The following CLASP2 variants were observed in gnomAD, a reference collection of about 807,000 sequenced individuals.
CLASP2 encodes cytoplasmic linker associated protein 2, also known as CLIP-associating protein 2.
In CLASP2, 47 loss-of-function variants were observed where a neutral mutation model predicts 194.4. The observed-to-expected ratio is 0.24, with a 90% CI of 0.19 to 0.31. The LOEUF (loss-of-function observed/expected upper bound fraction) is 0.31, where lower values mean the gene tolerates loss of function less well. Among genes scored for constraint, CLASP2 ranks in the 10% least tolerant of loss-of-function variants. The pLI, the probability that CLASP2 is intolerant of heterozygous loss-of-function variation, is 1.00. For missense variants in CLASP2, 1,445 were observed against 1,823.6 expected (o/e 0.79, Z 3.78); for synonymous variants, 619 against 633.5 (o/e 0.98, Z 0.34).
chr3:33,698,121 C>T (rs1262395140), intron 1 of CLASP2, among the ~76,000 whole-genome samples: 1 of 152,104 alleles, frequency 6.6e-6, no homozygotes, highest in African/African-American at 2.4e-5. Flanking sequence ...GGAAGGAAAC[C>T]GCTGCCTGTG....
At chr3:33,643,802 G>A (rs1225795412) in intron 8 of CLASP2, among the ~76,000 whole-genome samples, 1 of 151,694 alleles carries the variant, frequency 6.6e-6, no homozygotes, top group Non-Finnish European at 1.5e-5. Flanking sequence ...TATGGAACCT[G>A]GTCAAAATAT....
chr3:33,533,883 A>T (rs992216704), intron 34 of CLASP2, among the ~76,000 whole-genome samples: 2 of 151,960 alleles, frequency 1.3e-5, no homozygotes, highest in Non-Finnish European at 2.9e-5. Flanking sequence ...CGCCCAGCTA[A>T]TTTTCATATT....
chr3:33,602,628 A>G, intron 18 of CLASP2: 1 of 737,040 alleles, frequency 1.4e-6, no homozygotes, highest in Non-Finnish European at 2.5e-6. Flanking sequence ...GAAAACAGGA[A>G]AGTTAGATAC....
chr3:33,681,466 C>T (rs1334112703), intron 6 of CLASP2, among the ~76,000 whole-genome samples: 2 of 142,364 alleles, frequency 1.4e-5, no homozygotes, highest in Non-Finnish European at 3.1e-5. Flanking sequence ...CCTGACATCC[C>T]CCCACCAAAT....
intron 13 of CLASP2, among the ~76,000 whole-genome samples, chr3:33,610,486 A>C (rs1459791503): frequency 3.3e-5 from 5 of 152,184 alleles, no homozygotes; most frequent in Admixed American, 3.3e-4. Context: ...CCTACAGTTA[A>C]TGGATTGCTC....
At chr3:33,640,550 G>A (rs954214929) in intron 8 of CLASP2, among the ~76,000 whole-genome samples, 5 of 152,146 alleles carry the variant, frequency 3.3e-5, no homozygotes, top group African/African-American at 4.8e-5. Context: ...GAGTGAGTGA[G>A]TGAGTGAGTA....
At chr3:33,687,929 A>T (rs1348651489) in intron 4 of CLASP2, among the ~76,000 whole-genome samples, 1 of 152,208 alleles carries the variant, frequency 6.6e-6, no homozygotes, top group Non-Finnish European at 1.5e-5. Flanking sequence ...ATGGGAAATG[A>T]CTATAATATG....
chr3:33,657,692 T>C (rs1401633975), intron 7 of CLASP2, among the ~76,000 whole-genome samples: 1 of 152,108 alleles, frequency 6.6e-6, no homozygotes. Context: ...TGAAAAATTA[T>C]TTTCTCATTT....
intron 21 of CLASP2, among the ~76,000 whole-genome samples, chr3:33,585,339 C>G (rs1444708494): frequency 6.6e-6 from 1 of 152,086 alleles, no homozygotes; most frequent in Non-Finnish European, 1.5e-5. Flanking sequence ...TTCTGAGAAA[C>G]GTGTTGTTGG....
intron 8 of CLASP2, among the ~76,000 whole-genome samples, chr3:33,637,692 C>T (rs774009131): frequency 2.8e-4 from 42 of 152,114 alleles, no homozygotes; most frequent in Non-Finnish European, 5.1e-4. Flanking sequence ...GTTGGCCAGA[C>T]AGATAGGTGG....
intron 22 of CLASP2, among the ~76,000 whole-genome samples, chr3:33,584,492 C>T (rs2066903500): frequency 6.6e-6 from 1 of 151,616 alleles, no homozygotes; most frequent in African/African-American, 2.4e-5. Context: ...TCTCAAACTC[C>T]TGACCTCAAG....
intron 10 of CLASP2, among the ~76,000 whole-genome samples, chr3:33,626,224 A>G (rs909426507): frequency 7.2e-5 from 11 of 152,086 alleles, no homozygotes; most frequent in African/African-American, 2.7e-4. Context: ...AAGGCCCTGC[A>G]TTTGATTTAA....
chr3:33,583,817 A>C (rs956153508), intron 22 of CLASP2, among the ~76,000 whole-genome samples: 1 of 152,232 alleles, frequency 6.6e-6, no homozygotes, highest in African/African-American at 2.4e-5. Context: ...TGGAATAATT[A>C]GGGGCTTTCT....
intron 29 of CLASP2, among the ~76,000 whole-genome samples, chr3:33,554,175 C>A (rs1327733061): frequency 6.8e-6 from 1 of 147,762 alleles, no homozygotes; most frequent in Non-Finnish European, 1.5e-5. Context: ...TCCAGTGAAC[C>A]GAGGTCACAC....
intron 1 of CLASP2, among the ~76,000 whole-genome samples, chr3:33,715,326 T>C (rs1384827816): frequency 1.3e-5 from 2 of 152,246 alleles, no homozygotes; most frequent in African/African-American, 4.8e-5. Flanking sequence ...ACCTTCTCAA[T>C]GAGGTCTTTA....
chr3:33,551,337 T>A lies in CLASP2; in HGVS notation c.3068A>T (p.Asp1023Val). 6.2e-7 allele frequency: 1 copy of A among 1,613,758 alleles called. No homozygotes were observed. Among genetic ancestry groups the A allele is most frequent in the Non-Finnish European group, 8.5e-7 (1 of 1,179,784 alleles). The change falls in exon 30 of 39, where the codon GAT becomes GTT. Residue 1023 changes from aspartate to valine, a missense_variant. Around this residue, in one of 4 missense-constraint regions of CLASP2, gnomAD observed 732 missense variants for 987.9 expected, o/e 0.74. Coordinates refer to ENST00000682230, the MANE Select transcript of CLASP2 (RefSeq NM_001365631.1). ...GCGAGTTTCACTGGAATTTATAAAA[T>A]CTCCTGGATCCATCTGTTTGGCCAG... is the stretch of plus-strand genomic sequence containing the variant. ...ETLAKQMDPG[D>V]FINSSETRLA...
At chr3:33,548,774 T>C (rs923650137) in intron 30 of CLASP2, among the ~76,000 whole-genome samples, 4 of 144,716 alleles carry the variant, frequency 2.8e-5, no homozygotes, top group African/African-American at 7.7e-5. Flanking sequence ...TTTTTTTTTT[T>C]TTTTTTTTTT....
rs540436820 is a variant in CLASP2 at position 33,623,316 on chromosome 3, T to C, written c.1036-1036A>G. 1.8e-4 allele frequency among the ~76,000 whole-genome samples: 28 copies of C among 152,302 alleles called. 2 individuals carry two copies. The South Asian group carries it at 5.2e-3, about 28-fold the overall frequency. On this transcript the variant is annotated intron_variant, in intron 10 of 38. Coordinates refer to ENST00000682230, the MANE Select transcript of CLASP2 (RefSeq NM_001365631.1). Reference sequence around the variant, plus strand: ...TTATTTTGAAATATACAATAAATTATTGTTAACTACAGTCACCCTACTGTG... The same window carrying C: ...TTATTTTGAAATATACAATAAATTACTGTTAACTACAGTCACCCTACTGTG...
intron 2 of CLASP2, among the ~76,000 whole-genome samples, chr3:33,690,166 T>C (rs1199756334): frequency 6.6e-6 from 1 of 152,124 alleles, no homozygotes; most frequent in East Asian, 1.9e-4. Flanking sequence ...CAAAACTAAA[T>C]ATTATTTTTC....
Sources: allele counts gnomAD v4.1 joint callset (sites outside exome capture counted in the v4.1 genomes callset), GRCh38; gene constraint gnomAD v4.1.1; regional missense constraint gnomAD v4.1.1; transcripts MANE v1.5; gene names NCBI Gene and HGNC (gene_info 2026-07-23, HGNC 2026-07-21).